The following UBR3 variants were observed in gnomAD, a reference collection of about 807,000 sequenced individuals.
UBR3 encodes the protein ubiquitin protein ligase E3 component n-recognin 3.
In UBR3, 85 loss-of-function variants were observed where a neutral mutation model predicts 243.2. The ratio of observed to expected loss-of-function variants is 0.35; its 90% CI spans 0.29 to 0.42. The LOEUF is 0.42. UBR3 is among the 10% of genes least tolerant of loss of function. The pLI is 1.00. For missense variants in UBR3, 1,686 were observed against 2,300.8 expected (o/e 0.73, Z 5.47); for synonymous variants, 748 against 799.8 (o/e 0.94, Z 1.09).
At chr2:169,938,827 T>G (rs976753340) in intron 19 of UBR3, among the ~76,000 whole-genome samples, 2 of 152,204 alleles carry the variant, frequency 1.3e-5, no homozygotes, top group African/African-American at 2.4e-5. Context: ...GATTTTGAGT[T>G]AGTTTTTATG....
chr2:169,863,693 G>C (rs2083162041), intron 1 of UBR3, among the ~76,000 whole-genome samples: 1 of 152,152 alleles, frequency 6.6e-6, no homozygotes, highest in Non-Finnish European at 1.5e-5. Flanking sequence ...CATTTGTCAG[G>C]TCTTTGACTG....
intron 1 of UBR3, among the ~76,000 whole-genome samples, chr2:169,843,219 A>G (rs139521922): frequency 1.3e-5 from 2 of 152,362 alleles, no homozygotes; most frequent in Non-Finnish European, 2.9e-5. Context: ...AATACCTGAG[A>G]CTGAGTAATA....
chr2:170,059,157 G>T (rs907538486), intron 33 of UBR3, among the ~76,000 whole-genome samples: 1 of 151,936 alleles, frequency 6.6e-6, no homozygotes. Context: ...TTAATACTTT[G>T]TATTGTGAAG....
intron 1 of UBR3, among the ~76,000 whole-genome samples, chr2:169,854,366 C>T (rs1333087175): frequency 6.6e-6 from 1 of 152,110 alleles, no homozygotes; most frequent in African/African-American, 2.4e-5. Context: ...TTATATTTCT[C>T]ATCATGGACT....
intron 24 of UBR3, among the ~76,000 whole-genome samples, chr2:169,981,079 A>G (rs2088706164): frequency 6.6e-6 from 1 of 152,118 alleles, no homozygotes; most frequent in African/African-American, 2.4e-5. Flanking sequence ...CCTGAGTATA[A>G]AAGAAATATC....
chr2:169,942,146 G>T (rs1400254186), intron 19 of UBR3, among the ~76,000 whole-genome samples: 5 of 152,182 alleles, frequency 3.3e-5, no homozygotes, highest in African/African-American at 1.2e-4. Context: ...CATTCGTAGT[G>T]GGAGAATTTT....
chr2:170,044,350 A>G (rs112879252), intron 32 of UBR3, among the ~76,000 whole-genome samples: 2 of 152,206 alleles, frequency 1.3e-5, no homozygotes, highest in African/African-American at 2.4e-5. Context: ...ACCTAGCTAT[A>G]TACCTCTTAA....
chr2:169,947,522 C>T lies in UBR3; in HGVS notation c.2911-20C>T. ...ACGTGATGTGGCAAGACTTGATATT[C>T]ATTTTTTTTTTTATTTTAGGCATCA... On this transcript the variant is annotated intron_variant, in intron 21 of 38. Coordinates refer to ENST00000272793, the MANE Select transcript of UBR3 (RefSeq NM_172070.4). The T allele has an allele frequency of 2.8e-6, 4 of 1,423,412 alleles. No individual in the cohort carries two copies. The South Asian group carries it at 4.8e-5, about 17-fold the overall frequency. The allele number at this position is 1,423,412 out of a possible 1,614,324, so 88.2% of individuals were successfully genotyped here. A position where few individuals can be genotyped will look rare whatever the true frequency, so the allele number is the denominator to read the frequency against.
intron 1 of UBR3, among the ~76,000 whole-genome samples, chr2:169,828,572 A>G (rs1424943506): frequency 6.6e-6 from 1 of 151,804 alleles, no homozygotes; most frequent in Non-Finnish European, 1.5e-5. Flanking sequence ...CTGAACTGCC[A>G]GTGTGTCTGT....
At chr2:169,908,717 G>C (rs59145801) in intron 10 of UBR3, among the ~76,000 whole-genome samples, 6,238 of 152,126 alleles carry the variant, frequency 0.041, 183 homozygotes, top group East Asian at 0.11. Flanking sequence ...TTTATGAAGA[G>C]AGAATATGAA....
chr2:170,068,565 A>G (rs2091629271), intron 35 of UBR3, among the ~76,000 whole-genome samples: 1 of 152,218 alleles, frequency 6.6e-6, no homozygotes, highest in African/African-American at 2.4e-5. Flanking sequence ...AAATAGAGCA[A>G]ATTAGACCTG....
intron 6 of UBR3, 62 bp downstream of exon 6, chr2:169,891,293 C>A: frequency 7.9e-7 from 1 of 1,266,468 alleles, no homozygotes; most frequent in Non-Finnish European, 1.1e-6. Context: ...TGCCTAATCA[C>A]TAAAAATACT....
At chr2:169,841,363 C>T (rs897381680) in intron 1 of UBR3, among the ~76,000 whole-genome samples, 21 of 151,778 alleles carry the variant, frequency 1.4e-4, no homozygotes, top group Middle Eastern at 3.4e-3. Context: ...GAGGTGACAG[C>T]GTGCTGGCAG....
At chr2:169,940,566 A>G (rs150321312) in intron 19 of UBR3, among the ~76,000 whole-genome samples, 85 of 152,286 alleles carry the variant, frequency 5.6e-4, no homozygotes, top group African/African-American at 1.8e-3. Flanking sequence ...AATTATGTGT[A>G]TTCACTACTT....
At chr2:170,039,268 G>T (rs1449971695) in intron 31 of UBR3, among the ~76,000 whole-genome samples, 1 of 152,004 alleles carries the variant, frequency 6.6e-6, no homozygotes, top group African/African-American at 2.4e-5. Flanking sequence ...TCAAGTCAAG[G>T]GTCTGTAAGA....
chr2:169,930,864 T>C (rs1344333007), intron 18 of UBR3, among the ~76,000 whole-genome samples: 1 of 152,176 alleles, frequency 6.6e-6, no homozygotes, highest in Non-Finnish European at 1.5e-5. Flanking sequence ...TGAACCTAGC[T>C]TCTTCTCTGT....
intron 32 of UBR3, among the ~76,000 whole-genome samples, chr2:170,042,244 T>G (rs2090986715): frequency 6.6e-6 from 1 of 152,210 alleles, no homozygotes; most frequent in Non-Finnish European, 1.5e-5. Context: ...TGTGTCTGGC[T>G]TCCTTCACTT....
intron 19 of UBR3, among the ~76,000 whole-genome samples, chr2:169,939,053 AC>A (rs1221508666): frequency 5.9e-5 from 9 of 151,882 alleles, no homozygotes; most frequent in Admixed American, 6.6e-5. Context: ...TCTTTATTTT[AC>A]GTTTATATTT....
intron 1 of UBR3, among the ~76,000 whole-genome samples, chr2:169,848,708 A>AT (rs35893950): frequency 5.7e-4 from 83 of 144,576 alleles, no homozygotes; most frequent in South Asian, 1.3e-3. Flanking sequence ...AAGTTTTTTA[A>AT]TTTTTTTTTT....
Sources: gnomAD v4.1 joint callset for allele counts (sites outside exome capture counted in the v4.1 genomes callset) on GRCh38, gnomAD v4.1.1 for gene constraint, MANE v1.5 for transcripts, NCBI Gene and HGNC (gene_info 2026-07-23, HGNC 2026-07-21) for gene names.